Variants in CACNA1E observed in about 807,000 individuals in gnomAD.
The protein encoded by CACNA1E is voltage-dependent R-type calcium channel subunit alpha-1E.
CACNA1E carries 40 observed loss-of-function variants against 259.2 expected under a neutral mutation model. The observed-to-expected ratio is 0.15, with a 90% CI of 0.12 to 0.20. The LOEUF is 0.20. CACNA1E is among the 10% of genes least tolerant of loss of function. The pLI is 1.00. For synonymous variants in CACNA1E, 1,104 were observed against 1,138.5 expected (o/e 0.97, Z 0.61); for missense variants, 1,874 against 3,040.1 (o/e 0.62, Z 9.02).
chr1:181,423,949 C>A (rs1658960934), intron 2 of CACNA1E, among the ~76,000 whole-genome samples: 1 of 152,148 alleles, frequency 6.6e-6, no homozygotes, highest in Non-Finnish European at 1.5e-5. Flanking sequence ...TATTCCCCAC[C>A]ATTCCCTACT....
intron 1 of CACNA1E, among the ~76,000 whole-genome samples, chr1:181,401,356 T>G (rs550084573): frequency 1.3e-5 from 2 of 152,200 alleles, no homozygotes; most frequent in African/African-American, 2.4e-5. Flanking sequence ...AGACCCTCTA[T>G]AGCCTCCCAG....
chr1:181,660,135 G>A (rs890281722), intron 7 of CACNA1E, among the ~76,000 whole-genome samples: 2 of 152,216 alleles, frequency 1.3e-5, no homozygotes, highest in African/African-American at 4.8e-5. Context: ...TAAGACTAAT[G>A]GGAAGTAGTG....
intron 1 of CACNA1E, among the ~76,000 whole-genome samples, chr1:181,339,838 G>A (rs1652011578): frequency 1.3e-5 from 2 of 151,960 alleles, no homozygotes; most frequent in Admixed American, 6.5e-5. Flanking sequence ...AGACTATTTT[G>A]TATATTAAGC....
intron 25 of CACNA1E, among the ~76,000 whole-genome samples, chr1:181,746,339 G>T (rs929995144): frequency 3.9e-5 from 6 of 152,168 alleles, no homozygotes; most frequent in African/African-American, 1.4e-4. Context: ...ATTTATCACC[G>T]AACAGTCCTG....
At chr1:181,769,431 G>C (rs1477669250) in intron 35 of CACNA1E, among the ~76,000 whole-genome samples, 2 of 146,184 alleles carry the variant, frequency 1.4e-5, no homozygotes, top group African/African-American at 2.5e-5. Flanking sequence ...TGTTTGTTTT[G>C]TTCTGCTTTT....
At chr1:181,761,944 A>C (rs965633516) in intron 32 of CACNA1E, among the ~76,000 whole-genome samples, 4 of 152,220 alleles carry the variant, frequency 2.6e-5, no homozygotes, top group Non-Finnish European at 5.9e-5. Context: ...GCAGAGAAAG[A>C]GTGGAAAGAT....
intron 3 of CACNA1E, among the ~76,000 whole-genome samples, chr1:181,515,600 A>G (rs1228592673): frequency 1.3e-5 from 2 of 152,188 alleles, no homozygotes; most frequent in Non-Finnish European, 2.9e-5. Context: ...ATTGGGAACA[A>G]CTCAGGCAAT....
intron 1 of CACNA1E, among the ~76,000 whole-genome samples, chr1:181,360,053 G>A (rs1028427666): frequency 6.6e-6 from 1 of 152,114 alleles, no homozygotes; most frequent in Non-Finnish European, 1.5e-5. Flanking sequence ...TCTGGTGCAC[G>A]GGAATCATAA....
chr1:181,376,938 T>G (rs12081853), intron 1 of CACNA1E, among the ~76,000 whole-genome samples: 66,799 of 151,888 alleles, frequency 0.44, 15,110 homozygotes, highest in African/African-American at 0.53. Context: ...ACCATTTGCA[T>G]GATGAGGAGC....
At chr1:181,642,983 C>T (rs1657935284) in intron 6 of CACNA1E, among the ~76,000 whole-genome samples, 1 of 152,152 alleles carries the variant, frequency 6.6e-6, no homozygotes, top group East Asian at 1.9e-4. Context: ...AAGAATAACT[C>T]ATTTCTACCC....
intron 2 of CACNA1E, among the ~76,000 whole-genome samples, chr1:181,428,126 A>G (rs942651948): frequency 2.0e-5 from 3 of 152,120 alleles, no homozygotes; most frequent in African/African-American, 7.2e-5. Context: ...GACTGTGGAC[A>G]AGTCTTTCCC....
intron 43 of CACNA1E, among the ~76,000 whole-genome samples, 149 bp from the exon 44 acceptor site, chr1:181,790,290 CTTTTTT>C (rs33973972): frequency 8.7e-6 from 1 of 115,328 alleles, no homozygotes; most frequent in Admixed American, 9.0e-5. Context: ...TCTTCTAGTG[CTTTTTT>C]TTTTTTTTTT....
In CACNA1E at chr1:181,756,079, G is replaced by A. The variant is rs867413998; in HGVS notation, c.4113G>A (p.Gly1371=). 7 of 1,613,028 alleles carry A rather than the reference G, an allele frequency of 4.3e-6. No individual in the cohort carries two copies. The highest frequency in any genetic ancestry group is 1.7e-4 in the Middle Eastern group (1 of 6,020). Residue 1371 remains glycine, a synonymous_variant, in exon 29 of 48, where the codon GGG becomes GGA. Coordinates refer to ENST00000367573, the MANE Select transcript of CACNA1E (RefSeq NM_001205293.3). ...ALLTLFTVST[G]EGWPQVLQHS... is the part of the protein sequence containing the mutation. ...TGACCCTCTTCACCGTCTCCACAGG[G>A]GAAGGATGGCCTCAGTGAGTGATTG...
chr1:181,789,112 C>T (rs150267541), intron 43 of CACNA1E, among the ~76,000 whole-genome samples: 4 of 152,322 alleles, frequency 2.6e-5, no homozygotes, highest in East Asian at 1.9e-4. Context: ...CTTCCCGGTT[C>T]GGCCTTCCAA....
chr1:181,325,193 C>T (rs566495231), intron 1 of CACNA1E, among the ~76,000 whole-genome samples: 7 of 152,326 alleles, frequency 4.6e-5, no homozygotes, highest in Admixed American at 1.3e-4. Flanking sequence ...TGTTCAAACA[C>T]GGAGGTGTGA....
chr1:181,608,451 G>A (rs78793648), intron 6 of CACNA1E, among the ~76,000 whole-genome samples: 1 of 152,150 alleles, frequency 6.6e-6, no homozygotes, highest in African/African-American at 2.4e-5. Flanking sequence ...CTGCAGACAA[G>A]GGGGGCTACA....
intron 18 of CACNA1E, among the ~76,000 whole-genome samples, chr1:181,728,529 T>G (rs1378467096): frequency 1.1e-4 from 17 of 152,180 alleles, no homozygotes; most frequent in Non-Finnish European, 2.5e-4. Flanking sequence ...GTGTACACTC[T>G]GCTCAGGTAT....
intron 2 of CACNA1E, among the ~76,000 whole-genome samples, chr1:181,460,324 T>A (rs147750433): frequency 3.3e-4 from 50 of 152,088 alleles, no homozygotes; most frequent in Non-Finnish European, 6.8e-4. Context: ...AGGGGAGAGA[T>A]GGATGATGGC....
At chr1:181,451,414 G>A (rs1045095798) in intron 2 of CACNA1E, among the ~76,000 whole-genome samples, 6 of 152,166 alleles carry the variant, frequency 3.9e-5, no homozygotes, top group South Asian at 2.1e-4. Context: ...AACCAGGCAC[G>A]GTGGCTCACA....
Sources: gnomAD v4.1 joint callset for allele counts (sites outside exome capture counted in the v4.1 genomes callset) on GRCh38, gnomAD v4.1.1 for gene constraint, MANE v1.5 for transcripts, NCBI Gene and HGNC (gene_info 2026-07-23, HGNC 2026-07-21) for gene names.